The following ZC3H12B variants were observed in gnomAD, a reference collection of about 807,000 sequenced individuals.
ZC3H12B encodes probable ribonuclease ZC3H12B.
ZC3H12B carries 7 observed loss-of-function variants against 43.9 expected under a neutral mutation model. The observed-to-expected ratio is 0.16, with a 90% CI of 0.09 to 0.30. The LOEUF (loss-of-function observed/expected upper bound fraction) is 0.30, where lower values mean the gene tolerates loss of function less well. Ranked by LOEUF, ZC3H12B falls within the 10% of genes least tolerant of loss-of-function variation. ZC3H12B has a pLI of 1.00. For missense variants in ZC3H12B, 475 were observed against 670.2 expected, an observed-to-expected ratio of 0.71 and a Z score of 3.22; for synonymous variants, 222 against 241.7, an observed-to-expected ratio of 0.92 and a Z score of 0.76.
rs1490930894 is a variant in ZC3H12B at position 65,407,934 on chromosome X, C to A, written n.407+9230C>A. 4.4e-6 allele frequency: 3 copies of A among 680,807 alleles called. No homozygotes were observed. In the Admixed American group the frequency reaches 1.2e-4, roughly 27 times the overall value. The allele number at this position is 680,807 out of a possible 1,213,427, so 56.1% of individuals were successfully genotyped here. On this transcript the variant is annotated intron_variant and non_coding_transcript_variant, in intron 3 of 5. Transcript: ENST00000617377. ...AGCTGCGGGCGCCGAGTGGCCGGTA[C>A]GCCCGGCCTAGCGCGCCTGCGTGCG...
At chrX:65,431,240 A>G (rs932610163) in intron 3 of ZC3H12B, among the ~76,000 whole-genome samples, 3 of 112,759 alleles carry the variant, frequency 2.7e-5, no homozygotes, top group Non-Finnish European at 3.7e-5. Flanking sequence ...AACATTGACT[A>G]TATGGAAAGT....
chrX:65,309,803 G>T, the ZC3H12B span, among the ~76,000 whole-genome samples: 1 of 111,736 alleles, frequency 8.9e-6, no homozygotes, highest in Non-Finnish European at 1.9e-5. Flanking sequence ...TATCCACCAC[G>T]ATCAACTCGA....
chrX:65,454,645 C>A (rs769222814), intron 3 of ZC3H12B, among the ~76,000 whole-genome samples: 1 of 111,746 alleles, frequency 8.9e-6, no homozygotes. Flanking sequence ...TTCTCCAGCA[C>A]GCAGCTGGAG....
At chrX:65,116,714 C>T in the ZC3H12B span, among the ~76,000 whole-genome samples, 1 of 109,854 alleles carries the variant, frequency 9.1e-6, no homozygotes, top group East Asian at 2.9e-4. Flanking sequence ...ATCCTTCCCC[C>T]CTCCCCCCAA....
the ZC3H12B span, among the ~76,000 whole-genome samples, chrX:65,215,375 C>G: frequency 9.0e-6 from 1 of 111,728 alleles, no homozygotes; most frequent in Non-Finnish European, 1.9e-5. Flanking sequence ...ATTATCTTAT[C>G]TAGATCTGGG....
chrX:65,485,798 T>G (rs1481953655), upstream of ZC3H12B, among the ~76,000 whole-genome samples: 1 of 111,985 alleles, frequency 8.9e-6, no homozygotes, highest in Non-Finnish European at 1.9e-5. Flanking sequence ...AACTCTTTCC[T>G]TTAAGGCTCA....
chrX:65,432,763 A>G (rs1451893624), intron 3 of ZC3H12B, among the ~76,000 whole-genome samples: 1 of 112,021 alleles, frequency 8.9e-6, no homozygotes. Flanking sequence ...ACACCACTGG[A>G]CCCCAAGAAA....
At chrX:65,300,994 A>T in the ZC3H12B span, among the ~76,000 whole-genome samples, 61 of 111,090 alleles carry the variant, frequency 5.5e-4, no homozygotes, top group African/African-American at 1.9e-3. Context: ...AAGAAAAAAA[A>T]AAAAATACCA....
the ZC3H12B span, among the ~76,000 whole-genome samples, chrX:65,308,610 C>G: frequency 9.0e-6 from 1 of 111,524 alleles, no homozygotes; most frequent in African/African-American, 3.3e-5. Context: ...ATATCCAGGA[C>G]TTGAACTCAG....
At chrX:65,246,242 T>C in the ZC3H12B span, among the ~76,000 whole-genome samples, 3 of 111,628 alleles carry the variant, frequency 2.7e-5, no homozygotes, top group African/African-American at 9.8e-5. Flanking sequence ...CCAAAACCAT[T>C]GCTGAAGGAA....
At chrX:65,355,411 A>T in the ZC3H12B span, among the ~76,000 whole-genome samples, 1 of 112,019 alleles carries the variant, frequency 8.9e-6, no homozygotes, top group South Asian at 3.8e-4. Context: ...TTAATACATT[A>T]ATTTTTTGTA....
chrX:65,355,170 C>G, the ZC3H12B span, among the ~76,000 whole-genome samples: 2 of 110,936 alleles, frequency 1.8e-5, no homozygotes, highest in Non-Finnish European at 3.8e-5. Flanking sequence ...TCAGATTCAC[C>G]AAGGTTGAAA....
the ZC3H12B span, among the ~76,000 whole-genome samples, chrX:65,317,157 G>T: frequency 9.1e-6 from 1 of 110,031 alleles, no homozygotes; most frequent in African/African-American, 3.3e-5. Flanking sequence ...AGCTTTTAGA[G>T]ACATACGAAG....
the ZC3H12B span, among the ~76,000 whole-genome samples, chrX:65,147,494 C>A: frequency 9.0e-6 from 1 of 110,985 alleles, no homozygotes; most frequent in African/African-American, 3.3e-5. Context: ...TAGGGGCTGA[C>A]CTGATTCTTT....
chrX:65,064,032 T>A, the ZC3H12B span, among the ~76,000 whole-genome samples: 1 of 112,021 alleles, frequency 8.9e-6, no homozygotes, highest in Non-Finnish European at 1.9e-5. Context: ...TTATGTCTAT[T>A]TGATTCTTCT....
chrX:65,366,483 T>C (rs934394076), upstream of ZC3H12B, among the ~76,000 whole-genome samples: 5 of 112,525 alleles, frequency 4.4e-5, no homozygotes, highest in Non-Finnish European at 9.4e-5. Context: ...GTCTGTCTAG[T>C]CAGACAATCT....
the ZC3H12B span, among the ~76,000 whole-genome samples, chrX:65,280,091 A>G: frequency 8.9e-6 from 1 of 112,269 alleles, no homozygotes; most frequent in South Asian, 3.7e-4. Context: ...GCAAGCAAGG[A>G]CACAACAAAA....
At chrX:65,415,846 G>C (rs1286064655) in intron 3 of ZC3H12B, among the ~76,000 whole-genome samples, 2 of 111,891 alleles carry the variant, frequency 1.8e-5, no homozygotes, top group African/African-American at 6.5e-5. Flanking sequence ...AAATTAACTT[G>C]CTTTTGAATT....
chrX:65,214,285 A>T, the ZC3H12B span, among the ~76,000 whole-genome samples: 2 of 111,699 alleles, frequency 1.8e-5, no homozygotes, highest in Non-Finnish European at 3.8e-5. Context: ...CTTTTCATGT[A>T]AAATTTATCT....
Sources: gnomAD v4.1 joint callset for allele counts (sites outside exome capture counted in the v4.1 genomes callset) on GRCh38, gnomAD v4.1.1 for gene constraint, MANE v1.5 for transcripts, NCBI Gene and HGNC (gene_info 2026-07-23, HGNC 2026-07-21) for gene names.